Variants in RANBP2 observed in about 807,000 individuals in gnomAD.
RANBP2 encodes RAN binding protein 2, also known as E3 SUMO-protein ligase RanBP2.
Under a neutral mutation model 303.6 loss-of-function variants are expected in RANBP2, and 57 were observed. That is an observed-to-expected ratio of 0.19 (90% confidence interval 0.15 to 0.23). The LOEUF (loss-of-function observed/expected upper bound fraction) is 0.23. Ranked by LOEUF, RANBP2 falls within the 10% of genes least tolerant of loss-of-function variation. RANBP2 has a pLI of 1.00. For missense variants in RANBP2, 3,138 were observed against 3,780.8 expected (o/e 0.83, Z 4.46); for synonymous variants, 1,167 against 1,301.5 (o/e 0.90, Z 2.23).
the RANBP2 span, among the ~76,000 whole-genome samples, chr2:109,530,537 C>A: frequency 6.6e-6 from 1 of 152,202 alleles, no homozygotes; most frequent in Non-Finnish European, 1.5e-5. Context: ...CTATACATAT[C>A]TATCTTGGTG....
the RANBP2 span, among the ~76,000 whole-genome samples, chr2:109,557,463 A>C: frequency 4.1e-4 from 63 of 152,372 alleles, no homozygotes; most frequent in African/African-American, 1.4e-3. Context: ...AAAGAAACAT[A>C]GCTGAAAAGT....
At chr2:109,244,303 G>A in the RANBP2 span, among the ~76,000 whole-genome samples, 1 of 152,214 alleles carries the variant, frequency 6.6e-6, no homozygotes, top group Non-Finnish European at 1.5e-5. Context: ...TCAGGCAAAT[G>A]TGCACATTTT....
intron 8 of RANBP2, among the ~76,000 whole-genome samples, chr2:108,747,677 C>A (rs1390914503): frequency 6.6e-6 from 1 of 151,844 alleles, no homozygotes; most frequent in Non-Finnish European, 1.5e-5. Context: ...TTTTTAATGT[C>A]TTTGATCTGG....
the RANBP2 span, among the ~76,000 whole-genome samples, chr2:109,592,190 C>T: frequency 1.3e-5 from 2 of 151,306 alleles, no homozygotes; most frequent in African/African-American, 2.4e-5. Context: ...AACGGCCGGG[C>T]GTGGTGGCTC....
the RANBP2 span, among the ~76,000 whole-genome samples, chr2:108,904,296 A>G: frequency 6.6e-6 from 1 of 152,236 alleles, no homozygotes; most frequent in Non-Finnish European, 1.5e-5. Context: ...CTAAAACAAA[A>G]CATAGTAACA....
the RANBP2 span, among the ~76,000 whole-genome samples, chr2:109,161,109 G>A: frequency 8.5e-5 from 13 of 152,288 alleles, 1 homozygote; most frequent in East Asian, 2.5e-3. Context: ...AAGAGAAGCC[G>A]TTTGAGGCTT....
the RANBP2 span, among the ~76,000 whole-genome samples, chr2:108,963,425 A>G: frequency 6.6e-6 from 1 of 152,182 alleles, no homozygotes; most frequent in African/African-American, 2.4e-5. Context: ...AAGGACATTT[A>G]AAAAAATTGA....
At chr2:109,486,476 C>T in the RANBP2 span, among the ~76,000 whole-genome samples, 12 of 152,270 alleles carry the variant, frequency 7.9e-5, no homozygotes, top group South Asian at 6.2e-4. Context: ...CTAGGTATTT[C>T]GTAAACTATT....
the RANBP2 span, among the ~76,000 whole-genome samples, chr2:109,058,606 C>CATT: frequency 6.6e-6 from 1 of 152,242 alleles, no homozygotes; most frequent in Non-Finnish European, 1.5e-5. Flanking sequence ...TGATGCAATT[C>CATT]ATTAAACAAT....
At chr2:108,829,516 C>T in the RANBP2 span, among the ~76,000 whole-genome samples, 1 of 152,194 alleles carries the variant, frequency 6.6e-6, no homozygotes, top group African/African-American at 2.4e-5. Context: ...GAGGCCAAGG[C>T]AGGCGGGTCA....
chr2:109,012,622 A>C, the RANBP2 span, among the ~76,000 whole-genome samples: 2 of 152,084 alleles, frequency 1.3e-5, no homozygotes, highest in Non-Finnish European at 2.9e-5. Flanking sequence ...AAAAATTTTT[A>C]AACTTCATTC....
chr2:109,641,201 C>T, the RANBP2 span, among the ~76,000 whole-genome samples: 6 of 152,044 alleles, frequency 3.9e-5, no homozygotes, highest in South Asian at 1.0e-3. Context: ...TGCAGTGGAG[C>T]GATCTTGGCT....
chr2:109,527,097 T>TAC, the RANBP2 span, among the ~76,000 whole-genome samples: 3 of 152,240 alleles, frequency 2.0e-5, no homozygotes, highest in South Asian at 6.2e-4. Context: ...CAGATGACCC[T>TAC]ACACACACAC....
the RANBP2 span, among the ~76,000 whole-genome samples, chr2:109,248,607 A>T: frequency 2.6e-5 from 4 of 152,256 alleles, no homozygotes; most frequent in African/African-American, 9.6e-5. Context: ...TTGACCAAAC[A>T]TGTATATTAA....
the RANBP2 span, among the ~76,000 whole-genome samples, chr2:109,015,620 T>C: frequency 0.014 from 2,121 of 151,940 alleles, 49 homozygotes; most frequent in African/African-American, 0.049. Context: ...TAGCTGGGCA[T>C]GATGGGGAGT....
At chr2:109,549,187 G>T in the RANBP2 span, among the ~76,000 whole-genome samples, 5 of 152,340 alleles carry the variant, frequency 3.3e-5, 1 homozygote, top group African/African-American at 9.6e-5. Context: ...CTGCACACGT[G>T]TGCATCGGTG....
chr2:108,911,032 A>G, the RANBP2 span: 3 of 1,614,150 alleles, frequency 1.9e-6, no homozygotes, highest in Non-Finnish European at 2.5e-6. Flanking sequence ...TGGACATTGC[A>G]ATGATCAGGG....
chr2:109,660,646 T>C, the RANBP2 span, among the ~76,000 whole-genome samples: 2 of 152,224 alleles, frequency 1.3e-5, no homozygotes, highest in Non-Finnish European at 2.9e-5. Flanking sequence ...CCAGTTGGCC[T>C]GGTGTGGCCC....
chr2:108,873,011 A>C, the RANBP2 span, among the ~76,000 whole-genome samples: 3 of 152,124 alleles, frequency 2.0e-5, no homozygotes, highest in Non-Finnish European at 4.4e-5. Context: ...TTCCTTATCT[A>C]GTGACTGTGT....
Sources: gnomAD v4.1 joint callset for allele counts (sites outside exome capture counted in the v4.1 genomes callset) on GRCh38, gnomAD v4.1.1 for gene constraint, MANE v1.5 for transcripts, NCBI Gene and HGNC (gene_info 2026-07-23, HGNC 2026-07-21) for gene names.